OTOGL: variants seen among roughly 807,000 people sequenced by gnomAD.
OTOGL encodes the protein otogelin like, also known as otogelin-like protein.
A neutral mutation model predicts 318.5 loss-of-function variants in OTOGL; 285 were observed. That is an observed-to-expected ratio of 0.89 (90% CI 0.81 to 0.99). The LOEUF (loss-of-function observed/expected upper bound fraction) is 0.99. Among genes scored for constraint, OTOGL ranks in the 50% least tolerant of loss-of-function variants. OTOGL has a pLI of 0.00. For synonymous variants in OTOGL, 987 were observed against 936.5 expected (o/e 1.05, Z -0.99); for missense variants, 2,899 against 2,845.6 (o/e 1.02, Z -0.43).
At chr12:80,290,489 CTCT>C (rs1312600555) in intron 26 of OTOGL, among the ~76,000 whole-genome samples, 3 of 152,000 alleles carry the variant, frequency 2.0e-5, no homozygotes, top group East Asian at 1.9e-4. Flanking sequence ...GAAATTATTT[CTCT>C]TCTTCTGCAT....
chr12:80,249,182 A>G (rs1239067243), intron 11 of OTOGL, among the ~76,000 whole-genome samples: 2 of 147,988 alleles, frequency 1.4e-5, no homozygotes, highest in Non-Finnish European at 3.0e-5. Context: ...ATCATTCTCC[A>G]TCCAGCTTTG....
At chr12:80,274,749 T>C (rs1430784038) in intron 24 of OTOGL, among the ~76,000 whole-genome samples, 1 of 151,994 alleles carries the variant, frequency 6.6e-6, no homozygotes, top group African/African-American at 2.4e-5. Flanking sequence ...CTAAGGCAGC[T>C]TGTGACTTTA....
chr12:80,210,909 G>A, intron 3 of OTOGL, 23 bp downstream of exon 3: 2 of 1,447,692 alleles, frequency 1.4e-6, no homozygotes, highest in Non-Finnish European at 1.8e-6. Context: ...TGTTCTTCGT[G>A]TCCTCTAAAA....
At chr12:80,340,980 T>TA (rs1393675517) in intron 43 of OTOGL, among the ~76,000 whole-genome samples, 1 of 151,284 alleles carries the variant, frequency 6.6e-6, no homozygotes, top group Non-Finnish European at 1.5e-5. Context: ...TAGTACCCTG[T>TA]GTATTTACAA....
intron 5 of OTOGL, among the ~76,000 whole-genome samples, chr12:80,217,997 A>G (rs1320459101): frequency 6.6e-6 from 1 of 152,170 alleles, no homozygotes; most frequent in Admixed American, 6.5e-5. Flanking sequence ...CAGAATGCTG[A>G]TGGTAGTTTG....
At chr12:80,323,591 G>A in intron 34 of OTOGL, 132 bp from the exon 35 acceptor site, 1 of 670,680 alleles carries the variant, frequency 1.5e-6, no homozygotes, top group Non-Finnish European at 2.5e-6. Flanking sequence ...AGAGGTTGTG[G>A]TGAATCGAAA....
intron 16 of OTOGL, 27 bp from the exon 17 acceptor site, chr12:80,256,310 T>G (rs1237817536): frequency 6.3e-7 from 1 of 1,585,950 alleles, no homozygotes. Flanking sequence ...TCCCATTCCT[T>G]GCATTGATAA....
intron 29 of OTOGL, among the ~76,000 whole-genome samples, chr12:80,308,199 C>T (rs1886354570): frequency 6.6e-6 from 1 of 150,676 alleles, no homozygotes; most frequent in Admixed American, 6.6e-5. Flanking sequence ...AGACACTCCT[C>T]ACTTCCCAGA....
chr12:80,166,568 C>G (rs1400087817), intron 1 of OTOGL, among the ~76,000 whole-genome samples: 1 of 152,034 alleles, frequency 6.6e-6, no homozygotes, highest in Non-Finnish European at 1.5e-5. Context: ...CTTCTGAAAG[C>G]CCCAAAGAAG....
At chr12:80,242,903 T>A (rs1346738146) in intron 11 of OTOGL, among the ~76,000 whole-genome samples, 1 of 152,140 alleles carries the variant, frequency 6.6e-6, no homozygotes, top group Non-Finnish European at 1.5e-5. Context: ...TTGGAACTTG[T>A]GTGATACTCC....
chr12:80,271,629 T>G lies in OTOGL; in HGVS notation c.2519-19T>G. 6.2e-7 allele frequency: 1 copy of G among 1,608,148 alleles called. No individual in the cohort carries two copies. The highest frequency in any genetic ancestry group is 8.5e-7 in the Non-Finnish European group (1 of 1,176,828). On this transcript the variant is annotated intron_variant, in intron 23 of 58. Coordinates refer to ENST00000547103, the MANE Select transcript of OTOGL (RefSeq NM_001378609.3). ...ATGACAAAAAGTTAAGGACATTTTG[T>G]CTGTGCTTATATCTGAAGTTCACAT...
chr12:80,114,525 C>T (rs2137086258), intron 1 of OTOGL, among the ~76,000 whole-genome samples: 1 of 152,286 alleles, frequency 6.6e-6, no homozygotes, highest in African/African-American at 2.4e-5. Context: ...CCTGACCTTT[C>T]TCTCTGGCTG....
At chr12:80,295,992 G>A (rs1009908798) in intron 26 of OTOGL, among the ~76,000 whole-genome samples, 3 of 152,170 alleles carry the variant, frequency 2.0e-5, no homozygotes, top group South Asian at 4.1e-4. Context: ...GAGTGACTTA[G>A]TGGATGCAGT....
intron 11 of OTOGL, among the ~76,000 whole-genome samples, chr12:80,251,336 G>A (rs1204573317): frequency 6.6e-6 from 1 of 152,130 alleles, no homozygotes; most frequent in South Asian, 2.1e-4. Context: ...AATTCTAAAA[G>A]GCCTGGAATG....
intron 35 of OTOGL, among the ~76,000 whole-genome samples, chr12:80,325,474 A>G (rs964485865): frequency 5.3e-5 from 8 of 152,248 alleles, no homozygotes; most frequent in Non-Finnish European, 8.8e-5. Flanking sequence ...GAGAAAACCA[A>G]CCGAGGCACA....
At chr12:80,305,494 G>T in intron 28 of OTOGL, 82 bp from the exon 29 acceptor site, 1 of 1,146,918 alleles carries the variant, frequency 8.7e-7, no homozygotes, top group East Asian at 3.2e-5. Context: ...TATTTGAAAT[G>T]TCTCAAAAGT....
At position 80,118,802 on chromosome 12, in the gene OTOGL, G is replaced by A. The variant is rs1404998589; in HGVS notation, c.-20+19197G>A. 2.0e-5 allele frequency among the ~76,000 whole-genome samples: 3 copies of A among 151,154 alleles called. No individual in the cohort carries two copies. In the East Asian group the frequency reaches 5.8e-4, roughly 29 times the overall value. On this transcript the variant is annotated intron_variant, in intron 1 of 58. Transcript: ENST00000547103. ...TATACTGGAAAAGTCATTTTATCAA[G>A]CATATTCTGACTGAGAGAGGTCCTA...
chr12:80,310,766 G>A, intron 30 of OTOGL, 39 bp downstream of exon 30: 2 of 1,465,156 alleles, frequency 1.4e-6, no homozygotes, highest in South Asian at 2.3e-5. Flanking sequence ...GTTTCAATAT[G>A]TTCTACTGTG....
At position 80,222,594 on chromosome 12, in the gene OTOGL, G is replaced by T. The variant is rs1266563501; in HGVS notation, c.489+349G>T. On this transcript the variant is annotated intron_variant, in intron 7 of 58. Transcript: ENST00000547103. ...TTGATACTATATGACTGAACTCAGA[G>T]AATTAATTCTTAGTTGCAGAATTCT... 2.0e-5 allele frequency among the ~76,000 whole-genome samples: 3 copies of T among 152,184 alleles called. No homozygotes were observed. In the East Asian group the frequency reaches 5.8e-4, roughly 29 times the overall value.
Sources: allele counts gnomAD v4.1 joint callset (sites outside exome capture counted in the v4.1 genomes callset), GRCh38; gene constraint gnomAD v4.1.1; transcripts MANE v1.5; gene names NCBI Gene and HGNC (gene_info 2026-07-23, HGNC 2026-07-21).